ABL1: variants seen among roughly 807,000 people sequenced by gnomAD.
The protein encoded by ABL1 is ABL proto-oncogene 1, non-receptor tyrosine kinase, also known as tyrosine-protein kinase ABL1.
ABL1 carries 11 observed loss-of-function variants against 94.7 expected under a neutral mutation model. That is an observed-to-expected ratio of 0.12 (90% CI 0.07 to 0.19). The LOEUF (loss-of-function observed/expected upper bound fraction) is 0.19, where lower values mean the gene tolerates loss of function less well. ABL1 is among the 10% of genes least tolerant of loss of function. The pLI, the probability that ABL1 is intolerant of heterozygous loss-of-function variation, is 1.00. For missense variants in ABL1, 1,082 were observed against 1,489.4 expected (o/e 0.73, Z 4.50); for synonymous variants, 656 against 622.4 (o/e 1.05, Z -0.80).
chr9:130,882,272 G>A (rs1431034889), intron 10 of ABL1, among the ~76,000 whole-genome samples: 1 of 152,164 alleles, frequency 6.6e-6, no homozygotes, highest in Non-Finnish European at 1.5e-5. Context: ...TGAGCCGAGG[G>A]TGTCAATTAA....
At chr9:130,774,974 C>G (rs567684489) in intron 1 of ABL1, among the ~76,000 whole-genome samples, 1 of 152,254 alleles carries the variant, frequency 6.6e-6, no homozygotes, top group East Asian at 1.9e-4. Flanking sequence ...TGAGAGGAAA[C>G]AAAAACCTCC....
upstream of ABL1, among the ~76,000 whole-genome samples, chr9:130,831,100 A>G (rs1830489798): frequency 6.6e-6 from 1 of 152,264 alleles, no homozygotes; most frequent in Non-Finnish European, 1.5e-5. Flanking sequence ...TTGCTGAATC[A>G]GAGAAAGTGG....
intron 1 of ABL1, among the ~76,000 whole-genome samples, chr9:130,791,060 C>T (rs575242078): frequency 2.5e-4 from 38 of 151,998 alleles, no homozygotes; most frequent in Non-Finnish European, 3.1e-4. Context: ...AATTCCAAAG[C>T]GGCAAAGAAG....
chr9:130,882,934 T>G (rs1483150231), intron 10 of ABL1, among the ~76,000 whole-genome samples: 1 of 152,054 alleles, frequency 6.6e-6, no homozygotes. Flanking sequence ...CCCAGCACTT[T>G]AGGAGGCCGA....
intron 1 of ABL1, among the ~76,000 whole-genome samples, chr9:130,825,387 AAG>A (rs1830412830): frequency 6.6e-6 from 1 of 152,200 alleles, no homozygotes; most frequent in Non-Finnish European, 1.5e-5. Flanking sequence ...GTCTTAGAGA[AAG>A]AGAGGAAAAT....
rs1831546132 is a variant in ABL1, at chr9:130,885,047, C to T, written c.2757C>T (p.Ser919=). The T allele has an allele frequency of 3.7e-6, 6 of 1,610,302 alleles. No homozygotes were observed. Among genetic ancestry groups the T allele is most frequent in the Non-Finnish European group, 5.1e-6 (6 of 1,178,462 alleles). Residue 919 remains serine, a synonymous_variant, in exon 11 of 11, where the codon AGC becomes AGT. Coordinates refer to ENST00000318560, the MANE Select transcript of ABL1 (RefSeq NM_005157.6). Reference sequence around the variant, plus strand: ...GAGGAAAGCCCTCGCAGAGCCCGAGCCAGGAGGCGGCCGGGGAGGCAGTCC... The same window carrying T: ...GAGGAAAGCCCTCGCAGAGCCCGAGTCAGGAGGCGGCCGGGGAGGCAGTCC... The part of the protein sequence containing the change: ...KAGGKPSQSP[S]QEAAGEAVLG...
intron 1 of ABL1, among the ~76,000 whole-genome samples, chr9:130,740,116 G>A (rs1239802081): frequency 9.9e-5 from 15 of 152,188 alleles, no homozygotes; most frequent in Admixed American, 9.8e-4. Flanking sequence ...AACTTCCACT[G>A]AAGTGGGAAT....
intron 8 of ABL1, among the ~76,000 whole-genome samples, chr9:130,879,106 A>G (rs964431585): frequency 1.3e-5 from 2 of 151,824 alleles, no homozygotes; most frequent in Non-Finnish European, 2.9e-5. Flanking sequence ...CCAACTCCCA[A>G]CCTCAGGTGA....
chr9:130,767,094 A>G (rs1832193132), intron 1 of ABL1, among the ~76,000 whole-genome samples: 1 of 152,104 alleles, frequency 6.6e-6, no homozygotes, highest in South Asian at 2.1e-4. Flanking sequence ...TTTCAGACCC[A>G]TGCAGGCCCC....
At position 130,884,556 on chromosome 9, in the gene ABL1, A is replaced by G; in HGVS notation, c.2266A>G (p.Lys756Glu). 6.2e-7 allele frequency: 1 copy of G among 1,613,236 alleles called. No individual in the cohort carries two copies. The change falls in exon 11 of 11, where the codon AAA becomes GAA. Residue 756 changes from lysine to glutamate, a missense_variant. Physicochemically the swap from Lys to Glu is moderately conservative, Grantham distance 56. Coordinates refer to ENST00000318560, the MANE Select transcript of ABL1 (RefSeq NM_005157.6). The surrounding 1 kb of genome is among the most constrained non-coding windows in gnomAD (Gnocchi z 5.6). ...TGACTCGTCCACATTTGGAGGGCACAAAAGTGAGAAGCCGGCTCTGCCTCG... is the reference window on the plus strand; with the variant it reads ...TGACTCGTCCACATTTGGAGGGCACGAAAGTGAGAAGCCGGCTCTGCCTCG... ...QFDSSTFGGH[K>E]SEKPALPRKR...
At chr9:130,714,356 A>G (rs773795578) in exon 1 of ABL1, 1 of 1,613,298 alleles carries the variant, frequency 6.2e-7, no homozygotes, top group Non-Finnish European at 8.5e-7. Context: ...TGGGGACCAA[A>G]GAAGGCCAAG....
intron 1 of ABL1, among the ~76,000 whole-genome samples, chr9:130,745,804 T>C (rs995897421): frequency 2.6e-5 from 4 of 152,106 alleles, no homozygotes; most frequent in African/African-American, 9.7e-5. Context: ...TGACTAAAAT[T>C]CTACTTTCAG....
chr9:130,818,783 C>T (rs759932418), intron 1 of ABL1, among the ~76,000 whole-genome samples: 22 of 152,180 alleles, frequency 1.4e-4, no homozygotes, highest in Non-Finnish European at 2.1e-4. Flanking sequence ...ATCAATTCAG[C>T]ATGCATGTAT....
At position 130,731,578 on chromosome 9, in the gene ABL1, C is replaced by T. The variant is rs923326574; in HGVS notation, c.136+17123C>T. On this transcript the variant is annotated intron_variant, in intron 1 of 10. Coordinates refer to the ABL1 transcript ENST00000372348. ...TCTGCTGCTGTGTAAATCAGGTATA[C>T]ATGTACGTGTGGATCTGCTGGGGAA... is the stretch of plus-strand genomic sequence containing the variant. Among the ~76,000 whole-genome samples the T allele has an allele frequency of 2.6e-5, 4 of 152,246 alleles. No homozygotes were observed. The East Asian group carries it at 5.8e-4, about 22-fold the overall frequency.
At chr9:130,721,255 A>G (rs1205008187) in intron 1 of ABL1, among the ~76,000 whole-genome samples, 1 of 151,730 alleles carries the variant, frequency 6.6e-6, no homozygotes, top group East Asian at 1.9e-4. Context: ...GCACACACCT[A>G]TAGTCCCACC....
chr9:130,779,479 T>C (rs1829728119), intron 1 of ABL1, among the ~76,000 whole-genome samples: 1 of 152,214 alleles, frequency 6.6e-6, no homozygotes, highest in South Asian at 2.1e-4. Context: ...ACATTTCACC[T>C]CTGAAACAAA....
chr9:130,720,390 G>A (rs929098955), intron 1 of ABL1, among the ~76,000 whole-genome samples: 1 of 152,156 alleles, frequency 6.6e-6, no homozygotes, highest in African/African-American at 2.4e-5. Context: ...TGAGCAGCAG[G>A]CCCTGTTGAA....
At chr9:130,844,088 T>C (rs140479468) in intron 1 of ABL1, among the ~76,000 whole-genome samples, 352 of 152,090 alleles carry the variant, frequency 2.3e-3, no homozygotes, top group Admixed American at 5.0e-3. Flanking sequence ...TAGCTGACCA[T>C]TGGGAGACAG....
At chr9:130,851,170 T>G (rs1830854798) in intron 1 of ABL1, among the ~76,000 whole-genome samples, 1 of 152,126 alleles carries the variant, frequency 6.6e-6, no homozygotes, top group African/African-American at 2.4e-5. Flanking sequence ...GGGGATCACA[T>G]ATTTTAATAA....
Sources: allele counts gnomAD v4.1 joint callset (sites outside exome capture counted in the v4.1 genomes callset), GRCh38; gene constraint gnomAD v4.1.1; non-coding constraint Gnocchi (gnomAD v3.1); transcripts MANE v1.5; gene names NCBI Gene and HGNC (gene_info 2026-07-23, HGNC 2026-07-21).